KATNAL2: variants seen among roughly 807,000 people sequenced by gnomAD.
KATNAL2 encodes katanin p60 ATPase-containing subunit A-like 2.
In KATNAL2, 52 loss-of-function variants were observed where a neutral mutation model predicts 76.3. The observed-to-expected ratio is 0.68, with a 90% CI of 0.55 to 0.86. The LOEUF (loss-of-function observed/expected upper bound fraction) is 0.86, where lower values mean the gene tolerates loss of function less well. Among genes scored for constraint, KATNAL2 ranks in the 40% least tolerant of loss-of-function variants. The pLI, the probability that KATNAL2 is intolerant of heterozygous loss-of-function variation, is 0.00. For synonymous variants in KATNAL2, 243 were observed against 244.2 expected, an observed-to-expected ratio of 1.00 and a Z score of 0.05; for missense variants, 660 against 668.9, an observed-to-expected ratio of 0.99 and a Z score of 0.15.
At chr18:46,931,546 AG>A (rs1160765274) in intron 1 of KATNAL2, among the ~76,000 whole-genome samples, 1 of 151,420 alleles carries the variant, frequency 6.6e-6, no homozygotes, top group Non-Finnish European at 1.5e-5. Context: ...AAAGCTACTC[AG>A]GAGACTGAGG....
intron 3 of KATNAL2, chr18:47,034,696 C>G: frequency 6.2e-7 from 1 of 1,613,030 alleles, no homozygotes; most frequent in Non-Finnish European, 8.5e-7. Context: ...GGGTTGCTTC[C>G]CGGGCGCAGC....
At chr18:46,950,598 T>C (rs1181462121) in intron 3 of KATNAL2, among the ~76,000 whole-genome samples, 1 of 152,158 alleles carries the variant, frequency 6.6e-6, no homozygotes, top group Non-Finnish European at 1.5e-5. Flanking sequence ...AATCTCCTGC[T>C]TCACCTCAAC....
rs959822628 is a variant in KATNAL2, at chr18:47,032,922, G to T, written c.52-13535G>T. On this transcript the variant is annotated intron_variant, in intron 3 of 17. Transcript: ENST00000683218. ...CAAGTTAAAGGTTCTGGTGTCCATTGGAAGTTTCGTTCCCCAACCCGCATT... is the reference window on the plus strand; with the variant it reads ...CAAGTTAAAGGTTCTGGTGTCCATTTGAAGTTTCGTTCCCCAACCCGCATT... The T allele has an allele frequency of 9.9e-6, 16 of 1,609,172 alleles. No individual in the cohort carries two copies. The African/African-American group carries it at 2.0e-4, about 20-fold the overall frequency.
In KATNAL2 at chr18:47,058,500, A is replaced by C. The variant is rs1045708758; in HGVS notation, c.450+148A>C. On this transcript the variant is annotated intron_variant, in intron 7 of 17. Coordinates refer to ENST00000683218, the MANE Select transcript of KATNAL2 (RefSeq NM_001387690.1). The stretch of plus-strand genomic sequence containing the variant: ...TGAATTTTAGGTTTTCTTCCAGTAC[A>C]CTGGACTAAAACCATGGACATATCC... 31 of 593,514 alleles carry C rather than the reference A, an allele frequency of 5.2e-5. No individual in the cohort carries two copies. The Admixed American group carries it at 9.3e-4, about 18-fold the overall frequency. 36.8% of individuals were successfully genotyped at this position (593,514 alleles called of 1,614,324 possible).
At chr18:47,059,770 G>C (rs1263817072) in intron 8 of KATNAL2, 116 bp downstream of exon 8, 6 of 764,582 alleles carry the variant, frequency 7.8e-6, no homozygotes, top group Non-Finnish European at 1.3e-5. Context: ...ATTTTTGAAG[G>C]TTGGCTGTGA....
intron 2 of KATNAL2, 138 bp downstream of exon 2, chr18:46,946,684 A>G (rs2059388891): frequency 9.5e-7 from 1 of 1,058,044 alleles, no homozygotes; most frequent in Non-Finnish European, 1.3e-6. Context: ...CTCTGGATTA[A>G]ACATGCATGG....
chr18:46,961,917 T>C (rs1053663685), intron 3 of KATNAL2, among the ~76,000 whole-genome samples: 1 of 152,196 alleles, frequency 6.6e-6, no homozygotes, highest in Non-Finnish European at 1.5e-5. Context: ...GGTTTGCTAC[T>C]AAGAATATAA....
intron 1 of KATNAL2, among the ~76,000 whole-genome samples, chr18:46,931,103 A>AAATAAT (rs36168863): frequency 0.15 from 16,117 of 105,266 alleles, 1,116 homozygotes; most frequent in Middle Eastern, 0.18. Flanking sequence ...CCGTCTCAGG[A>AAATAAT]AATAATAATA....
At chr18:47,043,690 T>G (rs942323680) in intron 3 of KATNAL2, among the ~76,000 whole-genome samples, 1 of 151,666 alleles carries the variant, frequency 6.6e-6, no homozygotes, top group African/African-American at 2.4e-5. Flanking sequence ...AAGAGGTGAG[T>G]GAGTAGAAAG....
chr18:46,953,664 G>T (rs1239897731), intron 3 of KATNAL2, among the ~76,000 whole-genome samples: 2 of 152,070 alleles, frequency 1.3e-5, no homozygotes, highest in Non-Finnish European at 2.9e-5. Flanking sequence ...GGCTAAAGTG[G>T]CAAGATCACT....
At chr18:47,032,836 G>A in intron 3 of KATNAL2, 4 of 1,354,386 alleles carry the variant, frequency 3.0e-6, no homozygotes, top group Non-Finnish European at 4.0e-6. Flanking sequence ...GCTGGGTGTG[G>A]GAGGCAAAAT....
intron 4 of KATNAL2, among the ~76,000 whole-genome samples, chr18:47,048,209 A>T (rs1389818624): frequency 6.6e-6 from 1 of 152,180 alleles, no homozygotes; most frequent in Non-Finnish European, 1.5e-5. Context: ...CTGGAGTTAG[A>T]GCAAGAAAAA....
rs533731370 is a variant in KATNAL2, at chr18:47,045,405, A to G, written c.52-1052A>G. ...CAGTGGCAAGATCTTGGCTCACTGC[A>G]ACCTCTGCCTTCCAGGTTCAAGTGG... On this transcript the variant is annotated intron_variant, in intron 3 of 17. Coordinates refer to ENST00000683218, the MANE Select transcript of KATNAL2 (RefSeq NM_001387690.1). Among the ~76,000 whole-genome samples the G allele has an allele frequency of 4.6e-5, 7 of 150,884 alleles. No homozygotes were observed. The South Asian group carries it at 1.5e-3, about 32-fold the overall frequency.
chr18:46,955,556 T>G (rs752978920), intron 3 of KATNAL2, among the ~76,000 whole-genome samples: 1 of 151,528 alleles, frequency 6.6e-6, no homozygotes, highest in Non-Finnish European at 1.5e-5. Flanking sequence ...TTTCTTTCAT[T>G]CTTTCTTTCT....
At chr18:47,050,202 A>T (rs759076512) in intron 4 of KATNAL2, among the ~76,000 whole-genome samples, 8 of 151,760 alleles carry the variant, frequency 5.3e-5, no homozygotes, top group Admixed American at 2.0e-4. Context: ...TTTTTCTCAG[A>T]CCATCTTTAG....
chr18:47,034,329 G>T, intron 3 of KATNAL2: 3 of 1,612,746 alleles, frequency 1.9e-6, no homozygotes, highest in Non-Finnish European at 2.5e-6. Flanking sequence ...TCTTGTTCGA[G>T]TGACTGTGCT....
chr18:46,945,589 C>T (rs183696587), intron 1 of KATNAL2, among the ~76,000 whole-genome samples: 2 of 152,274 alleles, frequency 1.3e-5, no homozygotes, highest in Admixed American at 1.3e-4. Flanking sequence ...AGAGCACTGG[C>T]TTCAGTCAGG....
At position 47,076,822 on chromosome 18, in the gene KATNAL2, T is replaced by C. The variant is rs572018265; in HGVS notation, c.1101-529T>C. 3.4e-5 allele frequency among the ~76,000 whole-genome samples: 5 copies of C among 148,286 alleles called. No homozygotes were observed. The East Asian group carries it at 7.8e-4, about 23-fold the overall frequency. ...TTATATATATATATATATACACATATATATATAGAGAGAGACGGTCTTCTC... is the reference window on the plus strand; with the variant it reads ...TTATATATATATATATATACACATACATATATAGAGAGAGACGGTCTTCTC... On this transcript the variant is annotated intron_variant, in intron 14 of 17. Transcript: ENST00000683218.
intron 1 of KATNAL2, among the ~76,000 whole-genome samples, chr18:46,925,638 G>A (rs2058704967): frequency 6.6e-6 from 1 of 152,122 alleles, no homozygotes; most frequent in South Asian, 2.1e-4. Context: ...CTATTGATTG[G>A]AATAGTTTCA....
Sources: gnomAD v4.1 joint callset for allele counts (sites outside exome capture counted in the v4.1 genomes callset) on GRCh38, gnomAD v4.1.1 for gene constraint, MANE v1.5 for transcripts, NCBI Gene and HGNC (gene_info 2026-07-23, HGNC 2026-07-21) for gene names.